Variants in MADD observed in about 807,000 individuals in gnomAD.
MADD encodes MAP kinase activating death domain.
Under a neutral mutation model 176.7 loss-of-function variants are expected in MADD, and 109 were observed. The observed-to-expected ratio is 0.62, with a 90% CI of 0.53 to 0.72. MADD has a LOEUF of 0.72. Ranked by LOEUF, MADD falls within the 30% of genes least tolerant of loss-of-function variation. The pLI, the probability that MADD is intolerant of heterozygous loss-of-function variation, is 0.00. For missense variants in MADD, 1,914 were observed against 2,045.5 expected (o/e 0.94, Z 1.24); for synonymous variants, 771 against 771.3 (o/e 1.00, Z 0.01).
At position 47,323,631 on chromosome 11, in the gene MADD, A is replaced by G. The variant is rs532078188; in HGVS notation, c.4198-40A>G. On this transcript the variant is annotated intron_variant, in intron 27 of 32. Coordinates refer to ENST00000402192, the Ensembl canonical transcript of MADD. The stretch of plus-strand genomic sequence containing the variant: ...GGAAACAGTCTAGGGAGAGGCTGTC[A>G]GAGACAGGAACCACTGAGCCGCTTT... 5 of 1,603,194 alleles carry G rather than the reference A, an allele frequency of 3.1e-6. No homozygotes were observed. In the Admixed American group the frequency reaches 8.4e-5, roughly 27 times the overall value.
chr11:47,278,131 T>C (rs1370921745), intron 5 of MADD, 34 bp from the exon 6 acceptor site: 1 of 1,416,434 alleles, frequency 7.1e-7, no homozygotes, highest in African/African-American at 1.4e-5. Context: ...ATAGGTTTTG[T>C]CTTTGTTTCT....
intron 19 of MADD, 81 bp downstream of exon 21, chr11:47,292,677 T>C (rs1451518582): frequency 1.2e-5 from 17 of 1,393,642 alleles, no homozygotes; most frequent in African/African-American, 4.3e-5. Flanking sequence ...AGGCTCCCTT[T>C]GTCAGCCCCA....
At chr11:47,296,918 G>A (rs373774251) in intron 22 of MADD, among the ~76,000 whole-genome samples, 30 of 152,182 alleles carry the variant, frequency 2.0e-4, no homozygotes, top group African/African-American at 7.0e-4. Flanking sequence ...GGGACTGCAG[G>A]CATACACCAC....
chr11:47,274,531 C>G (rs755099353), intron 2 of MADD, 32 bp from the exon 3 acceptor site: 3 of 1,551,340 alleles, frequency 1.9e-6, no homozygotes, highest in Non-Finnish European at 2.7e-6. Context: ...TCCATCCCTT[C>G]AGGCTGCTGA....
At chr11:47,281,591 G>T in exon 8 of MADD, 1 of 1,610,888 alleles carries the variant, frequency 6.2e-7, no homozygotes, top group Non-Finnish European at 8.5e-7. Context: ...GCCAGCATGA[G>T]TCTCAACACC....
At chr11:47,305,442 A>G (rs1179544954) in intron 22 of MADD, among the ~76,000 whole-genome samples, 2 of 152,132 alleles carry the variant, frequency 1.3e-5, no homozygotes, top group Non-Finnish European at 2.9e-5. Context: ...GGGATAGGCC[A>G]TAGCACTGGC....
chr11:47,286,255 C>G (rs1356296897), intron 14 of MADD, among the ~76,000 whole-genome samples, 178 bp from the exon 15 acceptor site: 1 of 152,172 alleles, frequency 6.6e-6, no homozygotes, highest in Non-Finnish European at 1.5e-5. Flanking sequence ...CTGGCAGTGG[C>G]TCCATTGTTT....
intron 2 of MADD, 138 bp from the exon 3 acceptor site, chr11:47,274,425 C>A: frequency 1.4e-6 from 1 of 731,166 alleles, no homozygotes; most frequent in Non-Finnish European, 2.4e-6. Flanking sequence ...CGGCAGGCAG[C>A]ACCCATATTT....
intron 25 of MADD, among the ~76,000 whole-genome samples, chr11:47,310,543 A>G (rs2087698076): frequency 6.6e-6 from 1 of 152,136 alleles, no homozygotes; most frequent in Admixed American, 6.6e-5. Context: ...TTAGGGTGCC[A>G]ATAGAGCTTC....
At chr11:47,308,442 C>A in intron 22 of MADD, 149 bp from the exon 25 acceptor site, 1 of 570,194 alleles carries the variant, frequency 1.8e-6, no homozygotes, top group South Asian at 2.1e-5. Flanking sequence ...CAGAAAGCAG[C>A]GTAAGTGGAC....
At position 47,302,940 on chromosome 11, in the gene MADD, G is replaced by T. The variant is rs563794307; in HGVS notation, c.3643-5651G>T. ...TTCTACAAGTGGATTTCATACTTTT[G>T]TGTATTTTCATGATAGTAATTATCA... On this transcript the variant is annotated intron_variant, in intron 22 of 32. Coordinates refer to ENST00000402192, the Ensembl canonical transcript of MADD. Among the ~76,000 whole-genome samples, 235 of 151,968 alleles carry T rather than the reference G, an allele frequency of 1.5e-3. 1 individual carries two copies. The Middle Eastern group carries it at 0.027, about 18-fold the overall frequency.
chr11:47,289,276 C>T, intron 15 of MADD, 115 bp from the exon 17 acceptor site: 6 of 922,746 alleles, frequency 6.5e-6, no homozygotes, highest in Non-Finnish European at 1.0e-5. Context: ...CTTGGTGCTA[C>T]CCTCACCCAG....
intron 16 of MADD, 42 bp downstream of exon 17, chr11:47,289,535 G>A (rs908440263): frequency 1.9e-6 from 3 of 1,548,668 alleles, no homozygotes; most frequent in Non-Finnish European, 2.7e-6. Flanking sequence ...TCAGGCAGAG[G>A]TGGGGTGGTT....
At chr11:47,282,709 T>C in intron 9 of MADD, 93 bp downstream of exon 9, 1 of 1,589,198 alleles carries the variant, frequency 6.3e-7, no homozygotes, top group South Asian at 1.1e-5. Flanking sequence ...GACCTGTGCC[T>C]TCTATCCTGG....
In MADD at chr11:47,282,444, T is replaced by C. The variant is rs145636662; in HGVS notation, c.1533T>C (p.Arg511=). 17 of 1,614,108 alleles carry C rather than the reference T, an allele frequency of 1.1e-5. No individual in the cohort carries two copies. The Admixed American group carries it at 2.0e-4, about 19-fold the overall frequency. The change falls in exon 9 of 33, where the codon CGT becomes CGC. Residue 511 remains arginine (R), a synonymous_variant. Coordinates refer to ENST00000402192, the Ensembl canonical transcript of MADD. ...TGCAGGGATTTCAGATGCACACGCG[T>C]ACCCTGCGCCTCTTTCCTCGGCCTG... is the stretch of plus-strand genomic sequence containing the variant.
intron 16 of MADD, 39 bp from the exon 18 acceptor site, chr11:47,289,828 G>A (rs1420576262): frequency 1.9e-6 from 3 of 1,607,374 alleles, no homozygotes. Flanking sequence ...GCTCTGCAAA[G>A]GAGCTGATGA....
chr11:47,313,231 T>C (rs951026130), intron 26 of MADD, among the ~76,000 whole-genome samples: 3 of 152,260 alleles, frequency 2.0e-5, no homozygotes, highest in Non-Finnish European at 4.4e-5. Flanking sequence ...GAATGTGATT[T>C]TTTAAACATT....
intron 30 of MADD, among the ~76,000 whole-genome samples, chr11:47,326,073 A>G (rs1405235392): frequency 6.6e-6 from 1 of 152,190 alleles, no homozygotes; most frequent in African/African-American, 2.4e-5. Flanking sequence ...CTTGGATTTG[A>G]AGCCCAGCTT....
rs1263826629 is a variant in MADD at position 47,284,169 on chromosome 11, A to G, written c.1863-9A>G. On this transcript the variant is annotated splice_polypyrimidine_tract_variant and intron_variant, in intron 10 of 32. Transcript: ENST00000402192. ...GTTTTGTTTGTTTTTTATGCACTTC[A>G]CTCTGCAGTGGCAGTGATAGTATGG... is the stretch of plus-strand genomic sequence containing the variant. The G allele has an allele frequency of 6.3e-7, 1 of 1,595,050 alleles. No individual in the cohort carries two copies. The highest frequency in any genetic ancestry group is 8.6e-7 in the Non-Finnish European group (1 of 1,163,080).
Sources: gnomAD v4.1 joint callset for allele counts (sites outside exome capture counted in the v4.1 genomes callset) on GRCh38, gnomAD v4.1.1 for gene constraint, MANE v1.5 for transcripts, NCBI Gene and HGNC (gene_info 2026-07-23, HGNC 2026-07-21) for gene names.